The following TSHZ2 variants were observed in gnomAD, a reference collection of about 807,000 sequenced individuals.
TSHZ2 encodes the protein teashirt zinc finger homeobox 2.
In TSHZ2, 21 loss-of-function variants were observed where a neutral mutation model predicts 74.4. That is an observed-to-expected ratio of 0.28 (90% CI 0.20 to 0.41). The LOEUF is 0.41. Among genes scored for constraint, TSHZ2 ranks in the 10% least tolerant of loss-of-function variants. The probability of loss-of-function intolerance (pLI) is 1.00; values close to 1 mark genes in which losing one functional copy is unlikely to be tolerated. For synonymous variants in TSHZ2, 540 were observed against 515.3 expected, an observed-to-expected ratio of 1.05 and a Z score of -0.65; for missense variants, 1,244 against 1,293.5, an observed-to-expected ratio of 0.96 and a Z score of 0.59.
intron 1 of TSHZ2, among the ~76,000 whole-genome samples, chr20:53,248,050 T>A (rs1990245230): frequency 6.6e-6 from 1 of 152,194 alleles, no homozygotes. Context: ...GGTATAGTTT[T>A]AAAAATAATT....
intron 1 of TSHZ2, among the ~76,000 whole-genome samples, chr20:53,070,925 G>A (rs553384415): frequency 1.1e-4 from 17 of 152,284 alleles, no homozygotes; most frequent in African/African-American, 3.8e-4. Context: ...ATTACTGGTA[G>A]TCTGACACAT....
chr20:53,075,043 C>A (rs887925915), intron 1 of TSHZ2, among the ~76,000 whole-genome samples: 11 of 152,148 alleles, frequency 7.2e-5, no homozygotes, highest in African/African-American at 2.7e-4. Flanking sequence ...AATTTCATGA[C>A]AAAAAATTGA....
rs907856653 is a variant in TSHZ2 at position 53,060,378 on chromosome 20, C to G, written c.40+87045C>G. Among the ~76,000 whole-genome samples, 4 of 152,192 alleles carry G rather than the reference C, an allele frequency of 2.6e-5. 1 individual carries two copies. Among genetic ancestry groups the G allele is most frequent in the Middle Eastern group, 3.2e-3 (1 of 316 alleles). The stretch of plus-strand genomic sequence containing the variant: ...CCTGCTACTCACATAAAAAACACTT[C>G]ACTACTAATACCTAAAACAACCCCA... On this transcript the variant is annotated intron_variant, in intron 1 of 2. Coordinates refer to ENST00000371497, the MANE Select transcript of TSHZ2 (RefSeq NM_173485.6).
intron 1 of TSHZ2, among the ~76,000 whole-genome samples, chr20:53,232,884 C>T (rs184093749): frequency 2.4e-4 from 36 of 152,186 alleles, no homozygotes; most frequent in Admixed American, 4.6e-4. Context: ...AGCTGCACTA[C>T]TTCTAGTTTG....
At chr20:53,161,767 A>G (rs1486266398) in intron 1 of TSHZ2, among the ~76,000 whole-genome samples, 1 of 152,232 alleles carries the variant, frequency 6.6e-6, no homozygotes, top group African/African-American at 2.4e-5. Context: ...TTATAATTCC[A>G]GGTGATATTT....
chr20:53,254,712 G>A lies in TSHZ2; in HGVS notation c.1254G>A (p.Gln418=), dbSNP rs1198457697. ...GCTCTGCCTCCAAGAAAGGGAAGCA[G>A]CTGGTATTAGACCCGTTAGCAGTGG... ...VTSSASKKGK[Q]LVLDPLAVEK... is the part of the protein sequence containing the mutation. Residue 418 remains glutamine, a synonymous_variant, in exon 2 of 3, where the codon CAG becomes CAA. Coordinates refer to ENST00000371497, the MANE Select transcript of TSHZ2 (RefSeq NM_173485.6). 1.9e-6 allele frequency: 3 copies of A among 1,614,110 alleles called. No homozygotes were observed. In the African/African-American group the frequency reaches 4.0e-5, roughly 22 times the overall value.
At chr20:53,373,255 T>C (rs1403105166) in intron 2 of TSHZ2, among the ~76,000 whole-genome samples, 8 of 152,228 alleles carry the variant, frequency 5.3e-5, no homozygotes, top group African/African-American at 1.9e-4. Flanking sequence ...TTTATTCTTA[T>C]AGCACATCAA....
chr20:53,464,661 G>A (rs1039059933), intron 2 of TSHZ2, among the ~76,000 whole-genome samples: 1 of 152,110 alleles, frequency 6.6e-6, no homozygotes, highest in Non-Finnish European at 1.5e-5. Context: ...TAGAGACAGG[G>A]TCTTGCTATG....
chr20:53,145,809 A>G (rs778040469), intron 1 of TSHZ2, among the ~76,000 whole-genome samples: 3 of 152,336 alleles, frequency 2.0e-5, no homozygotes, highest in African/African-American at 4.8e-5. Context: ...GGAGAGGTAC[A>G]TGCCTAGGAA....
intron 2 of TSHZ2, among the ~76,000 whole-genome samples, chr20:53,308,112 G>A (rs745842426): frequency 6.6e-6 from 1 of 152,202 alleles, no homozygotes; most frequent in South Asian, 2.1e-4. Context: ...CTGACAAAGG[G>A]CGTTTGCATA....
At chr20:53,029,917 T>G (rs11905867) in intron 1 of TSHZ2, among the ~76,000 whole-genome samples, 7,073 of 152,228 alleles carry the variant, frequency 0.046, 367 homozygotes, top group African/African-American at 0.11. Context: ...TAAAAATGCC[T>G]ATGACTGCCA....
intron 2 of TSHZ2, among the ~76,000 whole-genome samples, chr20:53,331,862 C>A: frequency 6.6e-6 from 1 of 151,974 alleles, no homozygotes; most frequent in Non-Finnish European, 1.5e-5. Context: ...CTTGATGGGC[C>A]AAGGGGAATG....
chr20:52,997,252 C>G (rs982980959), intron 1 of TSHZ2, among the ~76,000 whole-genome samples: 5 of 119,902 alleles, frequency 4.2e-5, no homozygotes, highest in African/African-American at 9.6e-5. Flanking sequence ...CTGTGCTCAT[C>G]TTGCCCCGGG....
intron 2 of TSHZ2, among the ~76,000 whole-genome samples, chr20:53,413,069 G>A (rs1983110092): frequency 6.6e-6 from 1 of 152,228 alleles, no homozygotes; most frequent in Non-Finnish European, 1.5e-5. Flanking sequence ...CAATAGGGGA[G>A]AGCGGAAGAG....
rs546973951 is a variant in TSHZ2 at position 53,312,376 on chromosome 20, G to A, written c.*8+55805G>A. ...GCCACCAGCATGTCTGTCTTTTGAC[G>A]ATATGTCACACACACACCAAAAGGG... On this transcript the variant is annotated intron_variant, in intron 2 of 2. Transcript: ENST00000371497. 7.2e-5 allele frequency among the ~76,000 whole-genome samples: 11 copies of A among 152,162 alleles called. No individual in the cohort carries two copies. The East Asian group carries it at 7.7e-4, about 11-fold the overall frequency.
At chr20:53,146,030 GC>G (rs1256944066) in intron 1 of TSHZ2, among the ~76,000 whole-genome samples, 1 of 152,166 alleles carries the variant, frequency 6.6e-6, no homozygotes, top group Admixed American at 6.5e-5. Context: ...GTGGATCCAG[GC>G]ACTCAAATAT....
chr20:53,286,906 C>T (rs1278792907), intron 2 of TSHZ2, among the ~76,000 whole-genome samples: 2 of 151,686 alleles, frequency 1.3e-5, no homozygotes, highest in African/African-American at 4.8e-5. Context: ...CACACACACA[C>T]ACACACACAC....
intron 2 of TSHZ2, among the ~76,000 whole-genome samples, chr20:53,347,444 G>T (rs557398071): frequency 4.6e-5 from 7 of 151,980 alleles, no homozygotes; most frequent in Non-Finnish European, 1.0e-4. Context: ...TCTGCCCAGT[G>T]TCACCTCCCC....
chr20:53,126,545 G>A (rs1986951396), intron 1 of TSHZ2, among the ~76,000 whole-genome samples: 1 of 152,186 alleles, frequency 6.6e-6, no homozygotes, highest in Non-Finnish European at 1.5e-5. Flanking sequence ...ATGACTAGAG[G>A]AGGTTTATGC....
Sources: allele counts gnomAD v4.1 joint callset (sites outside exome capture counted in the v4.1 genomes callset), GRCh38; gene constraint gnomAD v4.1.1; transcripts MANE v1.5; gene names NCBI Gene and HGNC (gene_info 2026-07-23, HGNC 2026-07-21).